ARID3A: variants seen among roughly 807,000 people sequenced by gnomAD.
ARID3A encodes the protein AT-rich interaction domain 3A, also known as AT-rich interactive domain-containing protein 3A.
In ARID3A, 11 loss-of-function variants were observed where a neutral mutation model predicts 52.7. The observed-to-expected ratio is 0.21, with a 90% confidence interval of 0.13 to 0.35. The LOEUF (loss-of-function observed/expected upper bound fraction) is 0.35, where lower values mean the gene tolerates loss of function less well. Ranked by LOEUF, ARID3A falls within the 10% of genes least tolerant of loss-of-function variation. The pLI, the probability that ARID3A is intolerant of heterozygous loss-of-function variation, is 1.00. For missense variants in ARID3A, 721 were observed against 838.5 expected (o/e 0.86, Z 1.73); for synonymous variants, 404 against 359.4 (o/e 1.12, Z -1.40).
chr19:929,952 ACT>A lies in ARID3A; in HGVS notation c.368+59_368+60del. The A allele has an allele frequency of 6.5e-7, 1 of 1,531,340 alleles. No homozygotes were observed. Among genetic ancestry groups the A allele is most frequent in the Admixed American group, 2.0e-5 (1 of 50,326 alleles). The allele number at this position is 1,531,340 out of a possible 1,614,324, so 94.9% of individuals were successfully genotyped here. A position where few individuals can be genotyped will look rare whatever the true frequency, so the allele number is the denominator to read the frequency against. On this transcript the variant is annotated intron_variant, in intron 2 of 8. Transcript: ENST00000263620. The surrounding 1 kb of genome is among the most constrained non-coding windows in gnomAD (Gnocchi z 6.2). ...GGGGCTGTTACTGGCTCTGAGTGTC[ACT>A]CTGCTCATCTGCAGAATGGGAGTAA... is the stretch of plus-strand genomic sequence containing the variant.
In ARID3A at chr19:960,068, C is replaced by G. The variant is rs1196510800; in HGVS notation, c.694-24C>G. 8.1e-6 allele frequency: 13 copies of G among 1,605,274 alleles called. No individual in the cohort carries two copies. The highest frequency in any genetic ancestry group is 9.4e-6 in the Non-Finnish European group (11 of 1,174,036). The stretch of plus-strand genomic sequence containing the variant: ...ACACCTGAGCTCTGGCACCAACTAA[C>G]CCATCCCCTCTCCACCCTCACAGCT... On this transcript the variant is annotated intron_variant, in intron 3 of 8. Transcript: ENST00000263620. The surrounding 1 kb of genome is among the most constrained non-coding windows in gnomAD (Gnocchi z 4.3).
chr19:953,847 G>A (rs1382628393), intron 3 of ARID3A, among the ~76,000 whole-genome samples: 1 of 152,206 alleles, frequency 6.6e-6, no homozygotes, highest in African/African-American at 2.4e-5. Flanking sequence ...GCTGAGGCAG[G>A]AGGATCACTT....
At chr19:937,197 G>A (rs2037454860) in intron 3 of ARID3A, among the ~76,000 whole-genome samples, 1 of 152,016 alleles carries the variant, frequency 6.6e-6, no homozygotes, top group African/African-American at 2.4e-5. Flanking sequence ...CCGGGAGGCG[G>A]AGATTGCCGT....
intron 4 of ARID3A, among the ~76,000 whole-genome samples, chr19:961,070 C>CG (rs1320307577): frequency 2.0e-5 from 3 of 152,164 alleles, no homozygotes; most frequent in African/African-American, 4.8e-5. Context: ...GTAGGAGCCG[C>CG]CCCAACCCCC....
rs1315671481 is a variant in ARID3A, at chr19:932,415, C to T, written c.369-3C>T. ...CCTGACTCCTGCCCTCTGCTCACCC[C>T]AGGAAGCCCAAATGGGAGGAGGAGG... On this transcript the variant is annotated splice_polypyrimidine_tract_variant and splice_region_variant and intron_variant, in intron 2 of 8. Coordinates refer to ENST00000263620, the MANE Select transcript of ARID3A (RefSeq NM_005224.3). The T allele has an allele frequency of 1.9e-6, 3 of 1,594,486 alleles. No individual in the cohort carries two copies. The highest frequency in any genetic ancestry group is 1.4e-5 in the African/African-American group (1 of 72,956).
rs368573309 is a variant in ARID3A, at chr19:960,355, G to A, written c.766+191G>A. 2.6e-5 allele frequency among the ~76,000 whole-genome samples: 4 copies of A among 152,082 alleles called. No homozygotes were observed. Among genetic ancestry groups the A allele is most frequent in the Non-Finnish European group, 4.4e-5 (3 of 68,000 alleles). On this transcript the variant is annotated intron_variant, in intron 4 of 8. Transcript: ENST00000263620. This position sits in a 1 kb window ranked among gnomAD's most constrained non-coding sequence, Gnocchi z 4.3. ...ACATCCTGCCATGGAGGTTTGACGCGGGAGGCACGCCTGTGAGTCTAAGGG... is the reference window on the plus strand; with the variant it reads ...ACATCCTGCCATGGAGGTTTGACGCAGGAGGCACGCCTGTGAGTCTAAGGG...
intron 3 of ARID3A, among the ~76,000 whole-genome samples, chr19:951,530 G>A (rs909570397): frequency 1.3e-5 from 2 of 151,940 alleles, no homozygotes; most frequent in African/African-American, 2.4e-5. Flanking sequence ...CAGCCTGGGC[G>A]ACAGAGTAAG....
chr19:930,203 T>C (rs1463511702), intron 2 of ARID3A, among the ~76,000 whole-genome samples: 1 of 149,244 alleles, frequency 6.7e-6, no homozygotes, highest in African/African-American at 2.5e-5. Flanking sequence ...TGAGTTGTGA[T>C]TGTGCCACTG....
intron 3 of ARID3A, among the ~76,000 whole-genome samples, chr19:935,864 C>T (rs1413700877): frequency 3.3e-5 from 5 of 152,224 alleles, no homozygotes; most frequent in Non-Finnish European, 7.3e-5. Context: ...GATCGCGGCT[C>T]ACTGCAAGCT....
At position 975,151 on chromosome 19, in the gene ARID3A, G is replaced by C. The variant is rs1443012691; in HGVS notation, c.*3086G>C. On this transcript the variant is annotated 3_prime_UTR_variant, in exon 9 of 9. Coordinates refer to ENST00000263620, the MANE Select transcript of ARID3A (RefSeq NM_005224.3). ...CAGCACCCCCCCTTATGCAGACTGG[G>C]AGGGGGTCGGGCAGTCCCCTCAGCC... 4.3e-6 allele frequency: 1 copy of C among 231,582 alleles called. No homozygotes were observed. Among genetic ancestry groups the C allele is most frequent in the African/African-American group, 2.2e-5 (1 of 45,206 alleles). The allele number at this position is 231,582 out of a possible 1,614,324, so 14.3% of individuals were successfully genotyped here.
chr19:952,833 A>G (rs2037830331), intron 3 of ARID3A, among the ~76,000 whole-genome samples: 1 of 151,966 alleles, frequency 6.6e-6, no homozygotes, highest in Admixed American at 6.6e-5. Context: ...GGGCCCAAGG[A>G]CACCGCCCTG....
rs1217820038 is a variant in ARID3A at position 941,227 on chromosome 19, G to A, written c.693+8485G>A. On this transcript the variant is annotated intron_variant, in intron 3 of 8. Transcript: ENST00000263620. The surrounding 1 kb of genome is among the most constrained non-coding windows in gnomAD (Gnocchi z 6.9). ...GCCTGGGCGGGGGAATGGGCGTGGT[G>A]AGCCGCCGTGGCGTGCGTGCGAGTG... Among the ~76,000 whole-genome samples the A allele has an allele frequency of 6.6e-5, 10 of 152,258 alleles. No individual in the cohort carries two copies. The highest frequency in any genetic ancestry group is 6.5e-4 in the Admixed American group (10 of 15,288).
At chr19:957,055 T>C (rs1568367984) in intron 3 of ARID3A, among the ~76,000 whole-genome samples, 1 of 152,154 alleles carries the variant, frequency 6.6e-6, no homozygotes, top group East Asian at 1.9e-4. Flanking sequence ...CCGCCTGAAC[T>C]CCGCTTTCTA....
chr19:939,150 T>C (rs886580506), intron 3 of ARID3A, among the ~76,000 whole-genome samples: 2 of 151,330 alleles, frequency 1.3e-5, no homozygotes, highest in Non-Finnish European at 2.9e-5. Flanking sequence ...GACGGAGTCT[T>C]GCTCTGTCAC....
chr19:930,566 G>A (rs2037300505), intron 2 of ARID3A, among the ~76,000 whole-genome samples: 1 of 148,832 alleles, frequency 6.7e-6, no homozygotes, highest in Admixed American at 6.7e-5. Flanking sequence ...CTGGAGTGCA[G>A]TGGCGTGATC....
chr19:965,555 G>A (rs1040114924), intron 6 of ARID3A, among the ~76,000 whole-genome samples: 7 of 151,952 alleles, frequency 4.6e-5, no homozygotes, highest in Middle Eastern at 3.4e-3. Flanking sequence ...TTAGCTGGGC[G>A]TGGCAACGTG....
Position 964,796 on chromosome 19 carries a change from A to AC in ARID3A, c.951-34dup. ...AAGGCCAAAGAGAGCCGTAGGGGTG[A>AC]CCCGGGTGCCATCCTCTTCCCTCGT... On this transcript the variant is annotated intron_variant, in intron 5 of 8. Coordinates refer to ENST00000263620, the MANE Select transcript of ARID3A (RefSeq NM_005224.3). The surrounding 1 kb of genome is among the most constrained non-coding windows in gnomAD (Gnocchi z 5.7). 3.1e-6 allele frequency: 5 copies of AC among 1,598,244 alleles called. No homozygotes were observed. Among genetic ancestry groups the AC allele is most frequent in the Non-Finnish European group, 4.3e-6 (5 of 1,169,128 alleles).
chr19:960,325 G>A lies in ARID3A; in HGVS notation c.766+161G>A. 6.6e-6 allele frequency among the ~76,000 whole-genome samples: 1 copy of A among 152,106 alleles called. No homozygotes were observed. The highest frequency in any genetic ancestry group is 1.9e-4 in the East Asian group (1 of 5,186). On this transcript the variant is annotated intron_variant, in intron 4 of 8. Transcript: ENST00000263620. The surrounding 1 kb of genome is among the most constrained non-coding windows in gnomAD (Gnocchi z 4.3). ...AGGGACTTCAGGGGTGTCTTGGGGGGAAACACATCCTGCCATGGAGGTTTG... is the reference window on the plus strand; with the variant it reads ...AGGGACTTCAGGGGTGTCTTGGGGGAAAACACATCCTGCCATGGAGGTTTG...
chr19:942,817 G>A lies in ARID3A; in HGVS notation c.693+10075G>A, dbSNP rs1037053334. Among the ~76,000 whole-genome samples the A allele has an allele frequency of 6.6e-6, 1 of 152,232 alleles. No individual in the cohort carries two copies. Among genetic ancestry groups the A allele is most frequent in the Non-Finnish European group, 1.5e-5 (1 of 68,044 alleles). ...AGACGGAGAACGTGAGAGCAAGTAA[G>A]AACCCGCCTTCCGGGAGGAGCCCCG... On this transcript the variant is annotated intron_variant, in intron 3 of 8. Transcript: ENST00000263620. This position sits in a 1 kb window ranked among gnomAD's most constrained non-coding sequence, Gnocchi z 8.1.
Sources: gnomAD v4.1 joint callset for allele counts (sites outside exome capture counted in the v4.1 genomes callset) on GRCh38, gnomAD v4.1.1 for gene constraint, Gnocchi (gnomAD v3.1) non-coding constraint, MANE v1.5 for transcripts, NCBI Gene and HGNC (gene_info 2026-07-23, HGNC 2026-07-21) for gene names.